UXS1: variants seen among roughly 807,000 people sequenced by gnomAD.
UXS1 encodes the protein UDP-glucuronate decarboxylase 1, also known as UDP-glucuronic acid decarboxylase 1.
In UXS1, 33 loss-of-function variants were observed where a neutral mutation model predicts 62.6. The ratio of observed to expected loss-of-function variants is 0.53; its 90% CI spans 0.40 to 0.70. The LOEUF is 0.70. UXS1 is among the 30% of genes least tolerant of loss of function. The pLI is 0.00. For missense variants in UXS1, 434 were observed against 556.3 expected, an observed-to-expected ratio of 0.78 and a Z score of 2.21; for synonymous variants, 213 against 206.8, an observed-to-expected ratio of 1.03 and a Z score of -0.26.
intron 6 of UXS1, chr2:106,138,588 A>G: frequency 1.0e-6 from 1 of 985,478 alleles, no homozygotes; most frequent in Non-Finnish European, 1.2e-6. Context: ...GGGCTCCACA[A>G]AAGTTAGCTG....
At chr2:106,146,466 A>C (rs1028207224) in intron 5 of UXS1, among the ~76,000 whole-genome samples, 4 of 152,232 alleles carry the variant, frequency 2.6e-5, no homozygotes, top group African/African-American at 9.6e-5. Context: ...TGAAGTATTC[A>C]CCACGGTGAG....
intron 1 of UXS1, among the ~76,000 whole-genome samples, chr2:106,171,997 G>C (rs912546422): frequency 6.6e-6 from 1 of 152,256 alleles, no homozygotes; most frequent in Admixed American, 6.5e-5. Flanking sequence ...CCTCATGCAG[G>C]CTTTGCCTTC....
chr2:106,193,354 T>G (rs12623028), intron 1 of UXS1, among the ~76,000 whole-genome samples: 1 of 152,018 alleles, frequency 6.6e-6, no homozygotes, highest in Non-Finnish European at 1.5e-5. Flanking sequence ...ATTAAAACAT[T>G]CCCAACGAAT....
intron 10 of UXS1, among the ~76,000 whole-genome samples, chr2:106,110,302 G>A (rs956299593): frequency 7.9e-5 from 12 of 152,122 alleles, no homozygotes; most frequent in Non-Finnish European, 1.3e-4. Flanking sequence ...AAGCTTGCTC[G>A]GTGTGAAGAC....
intron 10 of UXS1, among the ~76,000 whole-genome samples, chr2:106,106,003 C>T (rs1338317402): frequency 6.6e-6 from 1 of 152,162 alleles, no homozygotes; most frequent in Non-Finnish European, 1.5e-5. Flanking sequence ...AGACACTCAG[C>T]CTGGCTTTCC....
At chr2:106,121,988 G>C (rs1242946690) in intron 9 of UXS1, among the ~76,000 whole-genome samples, 1 of 152,130 alleles carries the variant, frequency 6.6e-6, no homozygotes, top group Non-Finnish European at 1.5e-5. Flanking sequence ...CTCTGCCGGG[G>C]CCTGAGACAG....
intron 13 of UXS1, 43 bp from the exon 14 acceptor site, chr2:106,096,864 G>A: frequency 6.5e-7 from 1 of 1,532,444 alleles, no homozygotes; most frequent in Non-Finnish European, 8.9e-7. Flanking sequence ...GAATCACAAA[G>A]CATGGGTAAG....
intron 5 of UXS1, among the ~76,000 whole-genome samples, chr2:106,150,935 C>CA (rs1681961651): frequency 1.3e-5 from 2 of 152,200 alleles, no homozygotes; most frequent in African/African-American, 4.8e-5. Context: ...GCCATGGAGT[C>CA]AAGAAAGATT....
At chr2:106,129,204 A>G (rs1348328128) in intron 7 of UXS1, among the ~76,000 whole-genome samples, 1 of 152,174 alleles carries the variant, frequency 6.6e-6, no homozygotes, top group Non-Finnish European at 1.5e-5. Context: ...CCCCATACAG[A>G]TGTCTCCATC....
chr2:106,112,261 G>T (rs1402474677), intron 10 of UXS1, among the ~76,000 whole-genome samples: 1 of 152,244 alleles, frequency 6.6e-6, no homozygotes, highest in Non-Finnish European at 1.5e-5. Flanking sequence ...AGCCTGACCA[G>T]ATGTGGCTCA....
chr2:106,110,925 A>C (rs1159445674), intron 10 of UXS1, among the ~76,000 whole-genome samples: 1 of 152,204 alleles, frequency 6.6e-6, no homozygotes, highest in Admixed American at 6.5e-5. Flanking sequence ...TAAGGAGAGG[A>C]TGAATGAACA....
rs758789655 is a variant in UXS1, at chr2:106,101,164, G to A, written c.924-46C>T. The A allele has an allele frequency of 1.4e-5, 22 of 1,608,222 alleles. No homozygotes were observed. In the Admixed American group the frequency reaches 3.2e-4, roughly 23 times the overall value. On this transcript the variant is annotated intron_variant, in intron 11 of 14. Transcript: ENST00000283148. ...GGTGAGGCTCTGCCTGCTGGAATATGCTAGTGCCACGCACCACATAGAAGC... is the reference window on the plus strand; with the variant it reads ...GGTGAGGCTCTGCCTGCTGGAATATACTAGTGCCACGCACCACATAGAAGC...
chr2:106,164,172 G>GA (rs1240814877), intron 3 of UXS1, among the ~76,000 whole-genome samples: 2 of 152,228 alleles, frequency 1.3e-5, no homozygotes, highest in Non-Finnish European at 2.9e-5. Context: ...GACTCAGGCA[G>GA]AAAGACAGCA....
intron 12 of UXS1, among the ~76,000 whole-genome samples, chr2:106,099,250 G>A (rs997139543): frequency 7.2e-5 from 11 of 152,146 alleles, no homozygotes; most frequent in African/African-American, 1.9e-4. Flanking sequence ...GAGTGTCCCC[G>A]GCAAGCCAGA....
chr2:106,139,149 C>T (rs1381295240), intron 6 of UXS1, among the ~76,000 whole-genome samples: 1 of 152,068 alleles, frequency 6.6e-6, no homozygotes, highest in African/African-American at 2.4e-5. Context: ...AAAATCCAAG[C>T]TGAGGTGGGG....
upstream of UXS1, chr2:106,194,301 CGCGGCG>C: frequency 1.0e-6 from 1 of 993,594 alleles, no homozygotes; most frequent in Non-Finnish European, 1.2e-6. Flanking sequence ...CTGCACAATG[CGCGGCG>C]GCGGCGGCGG....
intron 10 of UXS1, among the ~76,000 whole-genome samples, chr2:106,109,335 C>T (rs1159270126): frequency 1.3e-5 from 2 of 152,122 alleles, no homozygotes; most frequent in Admixed American, 1.3e-4. Flanking sequence ...ACTTAACATA[C>T]CACAGTATCA....
At chr2:106,156,614 T>C (rs1387815989) in intron 5 of UXS1, among the ~76,000 whole-genome samples, 3 of 152,190 alleles carry the variant, frequency 2.0e-5, no homozygotes, top group African/African-American at 7.2e-5. Flanking sequence ...GTTCCGCATA[T>C]AAAATAGTGT....
chr2:106,098,331 T>C (rs1442295360), intron 13 of UXS1, among the ~76,000 whole-genome samples: 1 of 152,224 alleles, frequency 6.6e-6, no homozygotes, highest in African/African-American at 2.4e-5. Flanking sequence ...AAACAGAATT[T>C]CAAACCTGCC....
Sources: gnomAD v4.1 joint callset for allele counts (sites outside exome capture counted in the v4.1 genomes callset) on GRCh38, gnomAD v4.1.1 for gene constraint, MANE v1.5 for transcripts, NCBI Gene and HGNC (gene_info 2026-07-23, HGNC 2026-07-21) for gene names.